The following GPC5 variants were observed in gnomAD, a reference collection of about 807,000 sequenced individuals.
GPC5 encodes glypican 5.
In GPC5, 47 loss-of-function variants were observed where a neutral mutation model predicts 53.9. The observed-to-expected ratio is 0.87, with a 90% confidence interval of 0.69 to 1.11. The LOEUF (loss-of-function observed/expected upper bound fraction) is 1.11, where lower values mean the gene tolerates loss of function less well. Ranked by LOEUF, GPC5 falls within the 50% of genes most tolerant of loss-of-function variation. GPC5 has a pLI of 0.00. For missense variants in GPC5, 748 were observed against 713.1 expected (o/e 1.05, Z -0.56); for synonymous variants, 286 against 263.3 (o/e 1.09, Z -0.84).
At chr13:91,635,922 A>G (rs536874046) in intron 2 of GPC5, among the ~76,000 whole-genome samples, 1 of 152,280 alleles carries the variant, frequency 6.6e-6, no homozygotes, top group Admixed American at 6.5e-5. Flanking sequence ...TGATATCTCT[A>G]CATTCATGTG....
At chr13:92,168,856 C>T (rs1014658081) in intron 7 of GPC5, among the ~76,000 whole-genome samples, 1 of 152,162 alleles carries the variant, frequency 6.6e-6, no homozygotes, top group African/African-American at 2.4e-5. Context: ...GAATATAAAT[C>T]ATTCTATTAT....
intron 7 of GPC5, among the ~76,000 whole-genome samples, chr13:92,332,498 C>T (rs1187033001): frequency 2.6e-5 from 4 of 152,142 alleles, no homozygotes; most frequent in Non-Finnish European, 5.9e-5. Flanking sequence ...GTGGCTGCCT[C>T]AATCCTTAGT....
At chr13:92,438,789 G>C (rs1877430791) in intron 7 of GPC5, among the ~76,000 whole-genome samples, 1 of 152,024 alleles carries the variant, frequency 6.6e-6, no homozygotes, top group African/African-American at 2.4e-5. Context: ...AATAGGTATA[G>C]GTGTGAAGGA....
At position 92,021,724 on chromosome 13, in the gene GPC5, C is replaced by A. The variant is rs571187070; in HGVS notation, c.1401+113667C>A. ...TCAATAGCCTAACAATAGGCTTTAT[C>A]CATTTATCTATCTGGGTTTTAATAT... On this transcript the variant is annotated intron_variant, in intron 6 of 7. Transcript: ENST00000377067. 1.2e-4 allele frequency among the ~76,000 whole-genome samples: 18 copies of A among 152,154 alleles called. 1 individual carries two copies. Among genetic ancestry groups the A allele is most frequent in the Non-Finnish European group, 2.1e-4 (14 of 68,036 alleles).
At chr13:92,625,975 C>A (rs1455763343) in intron 7 of GPC5, among the ~76,000 whole-genome samples, 1 of 152,122 alleles carries the variant, frequency 6.6e-6, no homozygotes, top group African/African-American at 2.4e-5. Context: ...GCCATAGGAA[C>A]CAGATCAAAG....
chr13:92,008,854 A>AT (rs1180784754), intron 6 of GPC5, among the ~76,000 whole-genome samples: 4 of 151,452 alleles, frequency 2.6e-5, no homozygotes, highest in African/African-American at 4.8e-5. Context: ...TGTTCATTTC[A>AT]TTTTTTTCCT....
intron 7 of GPC5, among the ~76,000 whole-genome samples, chr13:92,820,037 C>T (rs1268318597): frequency 1.3e-5 from 2 of 152,110 alleles, no homozygotes; most frequent in East Asian, 3.9e-4. Context: ...CTCTGAACAT[C>T]TCACTAATAC....
intron 2 of GPC5, among the ~76,000 whole-genome samples, chr13:91,471,252 CT>C (rs1475146412): frequency 6.6e-6 from 1 of 151,996 alleles, no homozygotes; most frequent in Non-Finnish European, 1.5e-5. Flanking sequence ...TTTAATGCCA[CT>C]TTGAGTTGCC....
At chr13:92,007,569 T>C (rs2040618765) in intron 6 of GPC5, among the ~76,000 whole-genome samples, 1 of 152,198 alleles carries the variant, frequency 6.6e-6, no homozygotes, top group Non-Finnish European at 1.5e-5. Flanking sequence ...CCAATATTAA[T>C]ATTAGATTTA....
At chr13:92,083,268 G>A (rs2041310590) in intron 6 of GPC5, among the ~76,000 whole-genome samples, 1 of 152,130 alleles carries the variant, frequency 6.6e-6, no homozygotes, top group Non-Finnish European at 1.5e-5. Flanking sequence ...CACTGCTGGT[G>A]TCCAGCAGTG....
At chr13:92,797,851 A>AGATG (rs2138783283) in intron 7 of GPC5, among the ~76,000 whole-genome samples, 1 of 150,448 alleles carries the variant, frequency 6.6e-6, no homozygotes, top group South Asian at 2.1e-4. Context: ...ATAGATAGAT[A>AGATG]GATAGATAGA....
chr13:92,274,267 A>G (rs1387126501), intron 7 of GPC5, among the ~76,000 whole-genome samples: 1 of 151,886 alleles, frequency 6.6e-6, no homozygotes, highest in Non-Finnish European at 1.5e-5. Flanking sequence ...TTTATCTTTC[A>G]TTTTGAATTC....
chr13:92,749,041 T>C (rs1889313831), intron 7 of GPC5, among the ~76,000 whole-genome samples: 1 of 152,198 alleles, frequency 6.6e-6, no homozygotes, highest in Admixed American at 6.5e-5. Context: ...TCATTGTTTG[T>C]AGGTACCATT....
intron 6 of GPC5, among the ~76,000 whole-genome samples, chr13:92,085,153 G>C (rs2041326170): frequency 6.6e-6 from 1 of 152,072 alleles, no homozygotes; most frequent in South Asian, 2.1e-4. Context: ...TTCAACACAT[G>C]AATTTTAGAA....
chr13:92,381,411 G>C (rs918909418), intron 7 of GPC5, among the ~76,000 whole-genome samples: 2 of 152,090 alleles, frequency 1.3e-5, no homozygotes, highest in Non-Finnish European at 2.9e-5. Flanking sequence ...GATCATTAAT[G>C]CTGATGATAA....
chr13:92,847,432 T>C (rs1464740124), intron 7 of GPC5, among the ~76,000 whole-genome samples: 1 of 152,058 alleles, frequency 6.6e-6, no homozygotes, highest in Non-Finnish European at 1.5e-5. Flanking sequence ...GATTACATCA[T>C]GGGGGTGGAT....
chr13:92,358,706 G>A (rs2043542566), intron 7 of GPC5, among the ~76,000 whole-genome samples: 2 of 151,784 alleles, frequency 1.3e-5, no homozygotes, highest in Admixed American at 1.3e-4. Context: ...ACACCCTTGG[G>A]AGAAGTGGCC....
At chr13:91,711,284 G>T (rs950091809) in intron 3 of GPC5, among the ~76,000 whole-genome samples, 4 of 152,154 alleles carry the variant, frequency 2.6e-5, no homozygotes, top group Non-Finnish European at 5.9e-5. Flanking sequence ...TAAAAAAAAG[G>T]ATGAGTTCAT....
chr13:92,846,247 A>G (rs1878608719), intron 7 of GPC5, among the ~76,000 whole-genome samples: 1 of 152,152 alleles, frequency 6.6e-6, no homozygotes, highest in Admixed American at 6.6e-5. Flanking sequence ...CACTATCATA[A>G]TAGCCTGAGG....
Sources: allele counts gnomAD v4.1 joint callset (sites outside exome capture counted in the v4.1 genomes callset), GRCh38; gene constraint gnomAD v4.1.1; transcripts MANE v1.5; gene names NCBI Gene and HGNC (gene_info 2026-07-23, HGNC 2026-07-21).